Variants in NELL1 observed in about 807,000 individuals in gnomAD.
The protein encoded by NELL1 is neural EGFL like 1.
In NELL1, 76 loss-of-function variants were observed where a neutral mutation model predicts 107.4. The observed-to-expected ratio is 0.71, with a 90% CI of 0.59 to 0.86. The LOEUF (loss-of-function observed/expected upper bound fraction) is 0.86, where lower values mean the gene tolerates loss of function less well. Ranked by LOEUF, NELL1 falls within the 40% of genes least tolerant of loss-of-function variation. The pLI is 0.00. For missense variants in NELL1, 1,024 were observed against 1,005.5 expected (o/e 1.02, Z -0.25); for synonymous variants, 353 against 341.2 (o/e 1.03, Z -0.38).
rs202069598 is a variant in NELL1 at position 21,440,304 on chromosome 11, G to GTTT, written c.1645+69366_1645+69368dup. Among the ~76,000 whole-genome samples, 741 of 115,964 alleles carry GTTT rather than the reference G, an allele frequency of 6.4e-3. 4 individuals carry two copies. The highest frequency in any genetic ancestry group is 0.033 in the African/African-American group (712 of 21,774). The allele number at this position is 115,964 out of a possible 152,430, so 76.1% of individuals were successfully genotyped here. On this transcript the variant is annotated intron_variant, in intron 15 of 19. Transcript: ENST00000357134. The stretch of plus-strand genomic sequence containing the variant: ...TATTGTAGTAAGTAAACAAAAGTAA[G>GTTT]TTTTTTTTTTTTGATGACTTAGGGT...
intron 2 of NELL1, among the ~76,000 whole-genome samples, chr11:20,681,351 A>G (rs1449707018): frequency 6.6e-6 from 1 of 152,102 alleles, no homozygotes; most frequent in African/African-American, 2.4e-5. Flanking sequence ...TTTCCACATA[A>G]CTACAGGACA....
At chr11:21,533,127 G>A (rs1429706089) in intron 15 of NELL1, among the ~76,000 whole-genome samples, 2 of 152,166 alleles carry the variant, frequency 1.3e-5, no homozygotes, top group Non-Finnish European at 2.9e-5. Flanking sequence ...TGCTACAGAA[G>A]AAGAAGGTGA....
chr11:21,355,398 G>A (rs543299073), intron 14 of NELL1, among the ~76,000 whole-genome samples: 2 of 152,292 alleles, frequency 1.3e-5, no homozygotes, highest in East Asian at 1.9e-4. Context: ...TATGCCAAGT[G>A]CTTTACATGC....
chr11:21,102,524 AG>A (rs1277914622), intron 12 of NELL1, among the ~76,000 whole-genome samples: 1 of 152,192 alleles, frequency 6.6e-6, no homozygotes, highest in Non-Finnish European at 1.5e-5. Context: ...CTTTATCTGT[AG>A]ACTTGGGATG....
chr11:21,135,752 T>C (rs2133764416), intron 13 of NELL1, among the ~76,000 whole-genome samples: 1 of 152,322 alleles, frequency 6.6e-6, no homozygotes, highest in Non-Finnish European at 1.5e-5. Context: ...TACAACATAG[T>C]AGTTGCTCAA....
chr11:21,234,467 G>A (rs1858149827), intron 14 of NELL1, among the ~76,000 whole-genome samples: 1 of 152,240 alleles, frequency 6.6e-6, no homozygotes, highest in East Asian at 1.9e-4. Context: ...CCATGATTGG[G>A]CGTGGGACAG....
intron 14 of NELL1, among the ~76,000 whole-genome samples, chr11:21,237,755 C>T (rs1308219861): frequency 6.6e-6 from 1 of 152,016 alleles, no homozygotes; most frequent in African/African-American, 2.4e-5. Context: ...GTTCTGTAAA[C>T]ATTTTATTTC....
At chr11:21,345,718 C>T (rs1416350885) in intron 14 of NELL1, among the ~76,000 whole-genome samples, 1 of 152,190 alleles carries the variant, frequency 6.6e-6, no homozygotes, top group Non-Finnish European at 1.5e-5. Flanking sequence ...AAATCATCTT[C>T]CTAAAGATAG....
chr11:21,491,010 C>T (rs1302051945), intron 15 of NELL1, among the ~76,000 whole-genome samples: 1 of 151,986 alleles, frequency 6.6e-6, no homozygotes, highest in Non-Finnish European at 1.5e-5. Context: ...GAGTGAAAGA[C>T]AATCTGTTGA....
chr11:21,022,249 C>A (rs1852718219), intron 12 of NELL1, among the ~76,000 whole-genome samples: 1 of 152,034 alleles, frequency 6.6e-6, no homozygotes, highest in Non-Finnish European at 1.5e-5. Flanking sequence ...CTTTAAAGGA[C>A]CATAGGTACT....
At chr11:21,539,054 G>C (rs1287085212) in intron 16 of NELL1, among the ~76,000 whole-genome samples, 1 of 152,072 alleles carries the variant, frequency 6.6e-6, no homozygotes, top group Non-Finnish European at 1.5e-5. Context: ...GTCTTACTCT[G>C]TAAAGCAGGG....
At chr11:21,537,438 T>C (rs1486232002) in intron 16 of NELL1, among the ~76,000 whole-genome samples, 1 of 152,148 alleles carries the variant, frequency 6.6e-6, no homozygotes, top group East Asian at 1.9e-4. Context: ...CCTTTACTGT[T>C]CTCTCTGTCT....
At chr11:21,174,223 A>G (rs1856665221) in intron 13 of NELL1, among the ~76,000 whole-genome samples, 1 of 151,890 alleles carries the variant, frequency 6.6e-6, no homozygotes, top group Non-Finnish European at 1.5e-5. Flanking sequence ...GATAACTAAT[A>G]TACAAGTAAC....
At chr11:21,387,604 AG>A (rs2133777690) in intron 15 of NELL1, among the ~76,000 whole-genome samples, 1 of 152,018 alleles carries the variant, frequency 6.6e-6, no homozygotes, top group Non-Finnish European at 1.5e-5. Flanking sequence ...TGTGCCTCAA[AG>A]CTCAGGCTTT....
At chr11:20,804,764 T>C (rs1189882479) in intron 3 of NELL1, among the ~76,000 whole-genome samples, 2 of 152,200 alleles carry the variant, frequency 1.3e-5, no homozygotes, top group African/African-American at 4.8e-5. Flanking sequence ...CTGCAGCCTT[T>C]GGATGAAATG....
chr11:20,671,731 T>G (rs955303892), intron 1 of NELL1, among the ~76,000 whole-genome samples: 9 of 151,964 alleles, frequency 5.9e-5, no homozygotes, highest in Middle Eastern at 3.4e-3. Flanking sequence ...CAGCTGGGAA[T>G]CTAGATAGAA....
At chr11:20,851,295 TCAA>T (rs1263537463) in intron 4 of NELL1, among the ~76,000 whole-genome samples, 3 of 152,212 alleles carry the variant, frequency 2.0e-5, no homozygotes, top group Admixed American at 6.5e-5. Flanking sequence ...AGTTGGTAGT[TCAA>T]CACTTTCTGC....
chr11:21,377,080 T>G (rs1013301196), intron 15 of NELL1, among the ~76,000 whole-genome samples: 1 of 152,208 alleles, frequency 6.6e-6, no homozygotes, highest in South Asian at 2.1e-4. Context: ...TCCAATACTA[T>G]GTTGAATAGG....
chr11:21,533,429 A>G (rs1024959470), intron 15 of NELL1, among the ~76,000 whole-genome samples: 6 of 152,206 alleles, frequency 3.9e-5, no homozygotes, highest in Non-Finnish European at 8.8e-5. Context: ...TTCCAAGACA[A>G]GTCAAAGAAG....
Sources: allele counts gnomAD v4.1 joint callset (sites outside exome capture counted in the v4.1 genomes callset), GRCh38; gene constraint gnomAD v4.1.1; transcripts MANE v1.5; gene names NCBI Gene and HGNC (gene_info 2026-07-23, HGNC 2026-07-21).